The following ACVR1B variants were observed in gnomAD, a reference collection of about 807,000 sequenced individuals.
ACVR1B encodes the protein activin receptor type-1B.
ACVR1B carries 15 observed loss-of-function variants against 55.6 expected under a neutral mutation model. The ratio of observed to expected loss-of-function variants is 0.27; its 90% CI spans 0.18 to 0.42. The LOEUF (loss-of-function observed/expected upper bound fraction) is 0.42. Among genes scored for constraint, ACVR1B ranks in the 10% least tolerant of loss-of-function variants. The pLI, the probability that ACVR1B is intolerant of heterozygous loss-of-function variation, is 1.00. For missense variants in ACVR1B, 359 were observed against 670.1 expected, an observed-to-expected ratio of 0.54 and a Z score of 5.13; for synonymous variants, 247 against 254.6, an observed-to-expected ratio of 0.97 and a Z score of 0.28.
intron 1 of ACVR1B, among the ~76,000 whole-genome samples, chr12:51,970,809 C>G (rs1941732959): frequency 6.6e-6 from 1 of 152,196 alleles, no homozygotes; most frequent in Non-Finnish European, 1.5e-5. Context: ...CGTACCTAAA[C>G]AGGACAGTGC....
intron 7 of ACVR1B, among the ~76,000 whole-genome samples, chr12:51,991,195 G>A (rs1942185910): frequency 6.6e-6 from 1 of 152,124 alleles, no homozygotes; most frequent in South Asian, 2.1e-4. Context: ...CACAGAGGTA[G>A]GTGACTGAAA....
rs531265541 is a variant in ACVR1B at position 51,988,944 on chromosome 12, T to A, written c.1261+2002T>A. Among the ~76,000 whole-genome samples, 4 of 152,158 alleles carry A rather than the reference T, an allele frequency of 2.6e-5. No homozygotes were observed. The South Asian group carries it at 8.3e-4, about 32-fold the overall frequency. On this transcript the variant is annotated intron_variant, in intron 7 of 8. Transcript: ENST00000257963. ...ACCAGCTTGGGCTACATGGTGAAACTCTATCTTTACAAAAATAAAAAAATT... is the reference window on the plus strand; with the variant it reads ...ACCAGCTTGGGCTACATGGTGAAACACTATCTTTACAAAAATAAAAAAATT...
intron 1 of ACVR1B, among the ~76,000 whole-genome samples, chr12:51,965,653 C>T (rs1338797791): frequency 6.6e-6 from 1 of 152,002 alleles, no homozygotes; most frequent in African/African-American, 2.4e-5. Context: ...AGGTCCTTTC[C>T]TTATATGGAT....
At chr12:51,971,670 CTT>C (rs1487728071) in intron 1 of ACVR1B, among the ~76,000 whole-genome samples, 2 of 152,268 alleles carry the variant, frequency 1.3e-5, no homozygotes, top group African/African-American at 2.4e-5. Flanking sequence ...TAATTTATCA[CTT>C]TTGTTTCAGT....
Position 51,996,973 on chromosome 12 carries a change from C to T in ACVR1B, c.*2863C>T, listed in dbSNP as rs555842479. 3 of 152,750 alleles carry T rather than the reference C, an allele frequency of 2.0e-5. No individual in the cohort carries two copies. Among genetic ancestry groups the T allele is most frequent in the African/African-American group, 7.2e-5 (3 of 41,562 alleles). 9.5% of individuals were successfully genotyped at this position (152,750 alleles called of 1,614,324 possible). A position where few individuals can be genotyped will look rare whatever the true frequency, so the allele number is the denominator to read the frequency against. ...TAGCCACTTAGACACTTTACCTCTT[C>T]AGTATGCAAATGTAAATAAATTGTA... On this transcript the variant is annotated 3_prime_UTR_variant, in exon 9 of 9. Transcript: ENST00000257963.
In ACVR1B at chr12:51,951,764, C is replaced by T. The variant is rs1239941376; in HGVS notation, c.21C>T (p.Ala7=). ...TTACTATGGCGGAGTCGGCCGGAGCCTCCTCCTTCTTCCCCCTTGTTGTCC... is the reference window on the plus strand; with the variant it reads ...TTACTATGGCGGAGTCGGCCGGAGCTTCCTCCTTCTTCCCCCTTGTTGTCC... The part of the protein sequence containing the change: MAESAG[A]SSFFPLVVLL... Residue 7 remains alanine, a synonymous_variant, in exon 1 of 9, where the codon GCC becomes GCT. Coordinates refer to ENST00000257963, the MANE Select transcript of ACVR1B (RefSeq NM_004302.5). The T allele has an allele frequency of 1.6e-6, 2 of 1,289,950 alleles. No individual in the cohort carries two copies. Among genetic ancestry groups the T allele is most frequent in the Non-Finnish European group, 2.0e-6 (2 of 1,010,504 alleles). 79.9% of individuals were successfully genotyped at this position (1,289,950 alleles called of 1,614,324 possible).
chr12:51,988,302 C>A (rs531006436), intron 7 of ACVR1B, among the ~76,000 whole-genome samples: 125 of 152,310 alleles, frequency 8.2e-4, no homozygotes, highest in African/African-American at 3.0e-3. Flanking sequence ...AACCCTGTCT[C>A]TACTAAAAAT....
rs139541069 is a variant in ACVR1B at position 51,975,216 on chromosome 12, C to T, written c.92-49C>T. 3.8e-6 allele frequency: 6 copies of T among 1,579,906 alleles called. 1 individual carries two copies. Among genetic ancestry groups the T allele is most frequent in the South Asian group, 2.2e-5 (2 of 89,170 alleles). On this transcript the variant is annotated intron_variant, in intron 1 of 8. Coordinates refer to ENST00000257963, the MANE Select transcript of ACVR1B (RefSeq NM_004302.5). ...TATTCTAAGTTTGGAAAAGGACCTG[C>T]AAAAGATCTCACCATTGATGTCAAT...
chr12:51,953,433 T>G (rs1249596222), intron 1 of ACVR1B: 4 of 985,348 alleles, frequency 4.1e-6, no homozygotes, highest in Non-Finnish European at 4.8e-6. Context: ...GCTCTGTGGC[T>G]TAGGTATCTG....
At chr12:51,988,449 A>G (rs549255885) in intron 7 of ACVR1B, among the ~76,000 whole-genome samples, 31 of 152,370 alleles carry the variant, frequency 2.0e-4, no homozygotes, top group Middle Eastern at 3.4e-3. Flanking sequence ...GCCTTGCGAC[A>G]GAGCGAGACT....
chr12:51,968,950 C>G (rs527866398), intron 1 of ACVR1B, among the ~76,000 whole-genome samples: 2 of 152,308 alleles, frequency 1.3e-5, no homozygotes, highest in Admixed American at 1.3e-4. Context: ...GCAATGCTTT[C>G]TGGTCCGAAC....
rs779923195 is a variant in ACVR1B at position 51,951,733 on chromosome 12, C to CGGT, written c.-7_-5dup. ...TGGGCTGCGGCGGCGGCGGCGGCGG[C>CGGT]GGTGGTTACTATGGCGGAGTCGGCC... On this transcript the variant is annotated 5_prime_UTR_variant, in exon 1 of 9. Coordinates refer to ENST00000257963, the MANE Select transcript of ACVR1B (RefSeq NM_004302.5). 1 of 1,128,962 alleles carries CGGT rather than the reference C, an allele frequency of 8.9e-7. No homozygotes were observed. The highest frequency in any genetic ancestry group is 1.7e-5 in the African/African-American group (1 of 59,200). The allele number at this position is 1,128,962 out of a possible 1,614,324, so 69.9% of individuals were successfully genotyped here.
chr12:51,978,687 C>G (rs569581785), intron 3 of ACVR1B, among the ~76,000 whole-genome samples: 1 of 29,616 alleles, frequency 3.4e-5, no homozygotes, highest in Non-Finnish European at 6.4e-5. Flanking sequence ...AAAAATTAGC[C>G]GGGCGTGGTG....
chr12:51,980,779 C>G (rs1941963093), intron 3 of ACVR1B, among the ~76,000 whole-genome samples, 190 bp from the exon 4 acceptor site: 1 of 152,250 alleles, frequency 6.6e-6, no homozygotes. Flanking sequence ...TTCCCCATCT[C>G]TCCGCCTGGC....
chr12:51,976,159 G>A (rs1487330874), intron 2 of ACVR1B, among the ~76,000 whole-genome samples, 168 bp from the exon 3 acceptor site: 1 of 124,414 alleles, frequency 8.0e-6, no homozygotes. Flanking sequence ...GGGCATTTGA[G>A]AGCATCTAGG....
intron 1 of ACVR1B, among the ~76,000 whole-genome samples, chr12:51,959,744 T>G (rs1941481946): frequency 6.6e-6 from 1 of 152,146 alleles, no homozygotes; most frequent in African/African-American, 2.4e-5. Flanking sequence ...ATCCCATCAC[T>G]CACATATAAA....
chr12:51,978,929 G>A (rs546629876), intron 3 of ACVR1B, among the ~76,000 whole-genome samples: 2 of 151,396 alleles, frequency 1.3e-5, no homozygotes, highest in South Asian at 2.1e-4. Flanking sequence ...AAGGAGTCTT[G>A]AGGCCGGGCA....
intron 3 of ACVR1B, 58 bp downstream of exon 3, chr12:51,976,633 G>C: frequency 6.3e-7 from 1 of 1,598,084 alleles, no homozygotes; most frequent in South Asian, 1.1e-5. Context: ...TTCCCAGCAG[G>C]ATAGAGTGCT....
intron 1 of ACVR1B, among the ~76,000 whole-genome samples, chr12:51,957,354 G>C (rs1382029505): frequency 2.0e-5 from 3 of 149,306 alleles, no homozygotes; most frequent in African/African-American, 7.4e-5. Flanking sequence ...TGAGGCAGGA[G>C]AATCACTTGA....
Sources: allele counts gnomAD v4.1 joint callset (sites outside exome capture counted in the v4.1 genomes callset), GRCh38; gene constraint gnomAD v4.1.1; transcripts MANE v1.5; gene names NCBI Gene and HGNC (gene_info 2026-07-23, HGNC 2026-07-21).